The following DDX55 variants were observed in gnomAD, a reference collection of about 807,000 sequenced individuals.
The protein encoded by DDX55 is ATP-dependent RNA helicase DDX55.
A neutral mutation model predicts 69.2 loss-of-function variants in DDX55; 56 were observed. The observed-to-expected ratio is 0.81, with a 90% CI of 0.65 to 1.01. The LOEUF (loss-of-function observed/expected upper bound fraction) is 1.01. DDX55 is among the 50% of genes least tolerant of loss of function. The pLI is 0.00. For missense variants in DDX55, 720 were observed against 745.1 expected (o/e 0.97, Z 0.39); for synonymous variants, 268 against 273.1 (o/e 0.98, Z 0.18).
rs774490310 is a variant in DDX55 at position 123,618,659 on chromosome 12, G to GT, written c.1165-9dup. 10 of 1,612,992 alleles carry GT rather than the reference G, an allele frequency of 6.2e-6. No homozygotes were observed. The African/African-American group carries it at 1.1e-4, about 17-fold the overall frequency. On this transcript the variant is annotated splice_polypyrimidine_tract_variant and intron_variant, in intron 11 of 13. Transcript: ENST00000238146. Reference sequence around the variant, plus strand: ...GGGAAGGTGAGAATGTGGTATGTGTGTGTGTGTAGTGCCCCCTGCAGGAGA... The same window carrying GT: ...GGGAAGGTGAGAATGTGGTATGTGTGTTGTGTGTAGTGCCCCCTGCAGGAGA...
intron 1 of DDX55, chr12:123,605,352 T>A (rs1247341749): frequency 6.0e-6 from 1 of 166,514 alleles, no homozygotes; most frequent in Non-Finnish European, 1.3e-5. Flanking sequence ...CAAAAATGTC[T>A]CCTTACATTG....
chr12:123,607,716 A>G, intron 5 of DDX55, 54 bp downstream of exon 5: 12 of 1,612,978 alleles, frequency 7.4e-6, no homozygotes, highest in Non-Finnish European at 1.0e-5. Context: ...ATTGAACCTA[A>G]GAATCGATGT....
intron 1 of DDX55, 21 bp downstream of exon 1, chr12:123,602,277 G>C: frequency 6.5e-7 from 1 of 1,536,302 alleles, no homozygotes; most frequent in Non-Finnish European, 8.8e-7. Context: ...CCTGGCGTGG[G>C]GGAGTGAGGC....
At chr12:123,604,127 C>T (rs925943516) in intron 1 of DDX55, among the ~76,000 whole-genome samples, 1 of 152,084 alleles carries the variant, frequency 6.6e-6, no homozygotes, top group Non-Finnish European at 1.5e-5. Flanking sequence ...AAACACTGAG[C>T]TGGGTACAGT....
chr12:123,618,076 G>T, intron 11 of DDX55: 1 of 511,096 alleles, frequency 2.0e-6, no homozygotes, highest in Non-Finnish European at 3.5e-6. Context: ...GAGTGCAATG[G>T]CACTATCTCG....
chr12:123,607,750 C>T (rs1361984251), intron 5 of DDX55, 88 bp downstream of exon 5: 2 of 1,586,822 alleles, frequency 1.3e-6, no homozygotes, highest in Non-Finnish European at 1.7e-6. Flanking sequence ...AACTGTGGGT[C>T]CCCCTTTCAG....
Position 123,607,464 on chromosome 12 carries a change from G to A in DDX55, c.279G>A (p.Glu93=). The change falls in exon 4 of 14, where the codon GAG becomes GAA. Residue 93 remains glutamate (E), a synonymous_variant. Transcript: ENST00000238146. ...VGAIIITPTR[E]LAIQIDEVLS... is the part of the protein sequence containing the mutation. ...CCATAATCATCACCCCCACTCGAGA[G>A]CTGGCCATTCAAATAGACGAGGTCC... 6.2e-7 allele frequency: 1 copy of A among 1,614,128 alleles called. No homozygotes were observed. The highest frequency in any genetic ancestry group is 8.5e-7 in the Non-Finnish European group (1 of 1,180,028).
At chr12:123,617,434 G>C (rs7137130) in intron 10 of DDX55, among the ~76,000 whole-genome samples, 8,349 of 152,212 alleles carry the variant, frequency 0.055, 794 homozygotes, top group African/African-American at 0.19. Flanking sequence ...GAGGTTATTG[G>C]TCATTTTCAT....
intron 7 of DDX55, among the ~76,000 whole-genome samples, chr12:123,612,364 A>G (rs189501817): frequency 6.6e-6 from 1 of 152,366 alleles, no homozygotes; most frequent in Admixed American, 6.5e-5. Flanking sequence ...GTACATGAGA[A>G]AAAATTCCAA....
At chr12:123,605,768 G>A in intron 1 of DDX55, 163 bp from the exon 2 acceptor site, 1 of 914,276 alleles carries the variant, frequency 1.1e-6, no homozygotes, top group Non-Finnish European at 1.8e-6. Flanking sequence ...AGACACAGTT[G>A]CCACGTTTGA....
Position 123,620,028 on chromosome 12 carries a change from T to G in DDX55, c.1691T>G (p.Leu564Arg). ...LLNDTRLLKK[L>R]KKGKITEEEF... ...AATGACACAAGACTCTTGAAAAAAC[T>G]TAAGAAAGGCAAAATAACTGAAGAA... The change falls in exon 14 of 14, where the codon CTT (leucine) becomes CGT (arginine). Residue 564 changes from leucine to arginine, a missense_variant. Transcript: ENST00000238146. The G allele has an allele frequency of 6.2e-7, 1 of 1,614,070 alleles. No individual in the cohort carries two copies. The highest frequency in any genetic ancestry group is 1.3e-5 in the African/African-American group (1 of 75,040).
rs1425619441 is a variant in DDX55 at position 123,619,994 on chromosome 12, G to T, written c.1657G>T (p.Glu553Ter). The change falls in exon 14 of 14, where the codon GAA (glutamate) becomes TAA (stop). Residue 553 changes from glutamate to a stop codon, truncating the protein, a stop_gained. Coordinates refer to ENST00000238146, the MANE Select transcript of DDX55 (RefSeq NM_020936.3). LOFTEE classifies it high-confidence loss of function. ...GSDIEDEDMEELLNDTRLLKK... is the reference protein window; with the variant it reads ...GSDIEDEDME ...TGATATTGAAGATGAGGACATGGAA[G>T]AACTTCTTAATGACACAAGACTCTT... The T allele has an allele frequency of 3.1e-6, 5 of 1,613,872 alleles. No homozygotes were observed. The South Asian group carries it at 4.4e-5, about 14-fold the overall frequency.
Position 123,619,704 on chromosome 12 carries a change from GAGAAA to G in DDX55, c.1609_1613del (p.Lys537GlufsTer7). 6.4e-7 allele frequency: 1 copy of G among 1,574,386 alleles called. No homozygotes were observed. Among genetic ancestry groups the G allele is most frequent in the Middle Eastern group, 1.7e-4 (1 of 5,862 alleles). On this transcript the variant is annotated frameshift_variant, in exon 13 of 14. Transcript: ENST00000238146. LOFTEE classifies it high-confidence loss of function. ...AAAAGAAAAGAAGAAAAAAATGAAT[GAGAAA>G]AGGAAAAGGGAAGAGGTAAAGTTTA...
intron 8 of DDX55, among the ~76,000 whole-genome samples, chr12:123,614,595 G>A (rs1031262482): frequency 1.3e-5 from 2 of 152,146 alleles, no homozygotes; most frequent in Admixed American, 6.5e-5. Flanking sequence ...CAGCTCCCAG[G>A]GAAGGAGGCT....
chr12:123,618,587 GTT>G, intron 11 of DDX55, 80 bp from the exon 12 acceptor site: 1 of 1,563,062 alleles, frequency 6.4e-7, no homozygotes. Flanking sequence ...TTTCGCTTTT[GTT>G]TTTCTTGGTT....
At chr12:123,618,292 G>A (rs759545555) in intron 11 of DDX55, 2 of 507,660 alleles carry the variant, frequency 3.9e-6, no homozygotes, top group African/African-American at 1.9e-5. Flanking sequence ...GATGACAGGC[G>A]TGAGCCACCG....
chr12:123,602,188 G>C lies in DDX55; in HGVS notation c.40G>C (p.Val14Leu). 6.4e-7 allele frequency: 1 copy of C among 1,570,394 alleles called. No individual in the cohort carries two copies. The highest frequency in any genetic ancestry group is 2.3e-5 in the East Asian group (1 of 42,628). The change falls in exon 1 of 14, where the codon GTG becomes CTG. Residue 14 changes from valine (V) to leucine (L), a missense_variant. Physicochemically the swap from Val to Leu is conservative, Grantham distance 32. Transcript: ENST00000238146. Reference sequence around the variant, plus strand: ...AGAGGGCTCCTGGGAGTCGCTGCCTGTGCCGCTGCACCCGCAGGTGCTGGG... The same window carrying C: ...AGAGGGCTCCTGGGAGTCGCTGCCTCTGCCGCTGCACCCGCAGGTGCTGGG... ...VTEGSWESLPVPLHPQVLGAL... is the reference protein window; with the variant it reads ...VTEGSWESLPLPLHPQVLGAL...
intron 10 of DDX55, among the ~76,000 whole-genome samples, chr12:123,617,387 A>G (rs1016241608): frequency 1.3e-5 from 2 of 152,208 alleles, no homozygotes; most frequent in Non-Finnish European, 1.5e-5. Context: ...CGCATAGGAA[A>G]ATGCCTATAA....
chr12:123,619,033 C>T (rs1019557240), intron 12 of DDX55, among the ~76,000 whole-genome samples, 196 bp downstream of exon 12: 15 of 152,340 alleles, frequency 9.8e-5, no homozygotes, highest in African/African-American at 2.9e-4. Flanking sequence ...GACAGAGTCG[C>T]GCTTTGTCAC....
Sources: allele counts gnomAD v4.1 joint callset (sites outside exome capture counted in the v4.1 genomes callset), GRCh38; gene constraint gnomAD v4.1.1; transcripts MANE v1.5; gene names NCBI Gene and HGNC (gene_info 2026-07-23, HGNC 2026-07-21).